The following INO80D variants were observed in gnomAD, a reference collection of about 807,000 sequenced individuals.
INO80D encodes INO80 complex subunit D.
INO80D carries 21 observed loss-of-function variants against 87.6 expected under a neutral mutation model. That is an observed-to-expected ratio of 0.24 (90% CI 0.17 to 0.35). The LOEUF is 0.35. Ranked by LOEUF, INO80D falls within the 10% of genes least tolerant of loss-of-function variation. INO80D has a pLI of 1.00. For missense variants in INO80D, 982 were observed against 1,280.7 expected, an observed-to-expected ratio of 0.77 and a Z score of 3.56; for synonymous variants, 440 against 491.0, an observed-to-expected ratio of 0.90 and a Z score of 1.37.
intron 8 of INO80D, among the ~76,000 whole-genome samples, chr2:206,011,188 C>T (rs542826946): frequency 3.3e-5 from 5 of 152,168 alleles, no homozygotes; most frequent in Admixed American, 1.3e-4. Flanking sequence ...ATGGTGAATG[C>T]GCAAGGGCCA....
At chr2:206,084,932 A>T (rs1690394861) in intron 1 of INO80D, among the ~76,000 whole-genome samples, 1 of 152,164 alleles carries the variant, frequency 6.6e-6, no homozygotes, top group South Asian at 2.1e-4. Flanking sequence ...ACCGGAAGAG[A>T]AGGCCCTCTC....
rs1368104250 is a variant in INO80D, at chr2:206,000,069, T to C, written c.*4299A>G. The C allele has an allele frequency of 1.3e-5, 2 of 152,078 alleles. No individual in the cohort carries two copies. The highest frequency in any genetic ancestry group is 2.9e-5 in the Non-Finnish European group (2 of 68,004). The allele number at this position is 152,078 out of a possible 1,614,324, so 9.4% of individuals were successfully genotyped here. On this transcript the variant is annotated 3_prime_UTR_variant, in exon 11 of 11. Transcript: ENST00000403263. ...AGAGATACAAATGAGGACTGTTCAGTATGATGAAATTTTCTTTCAAGGAAT... is the reference window on the plus strand; with the variant it reads ...AGAGATACAAATGAGGACTGTTCAGCATGATGAAATTTTCTTTCAAGGAAT...
At chr2:206,061,098 C>T (rs144600082) in intron 3 of INO80D, among the ~76,000 whole-genome samples, 54 of 152,218 alleles carry the variant, frequency 3.5e-4, no homozygotes, top group African/African-American at 1.3e-3. Flanking sequence ...ACTGCAGCCT[C>T]GGCCTCCTGG....
rs1688050790 is a variant in INO80D, at chr2:206,007,236, A to G, written c.1918+48T>C. 5 of 1,524,548 alleles carry G rather than the reference A, an allele frequency of 3.3e-6. No individual in the cohort carries two copies. In the East Asian group the frequency reaches 9.0e-5, roughly 27 times the overall value. 94.4% of individuals were successfully genotyped at this position (1,524,548 alleles called of 1,614,324 possible). A position where few individuals can be genotyped will look rare whatever the true frequency, so the allele number is the denominator to read the frequency against. ...CTCAAAACACTATTTCTTTTCTTATAAACTCATTTTTAAAACCAGTTTCCT... is the reference window on the plus strand; with the variant it reads ...CTCAAAACACTATTTCTTTTCTTATGAACTCATTTTTAAAACCAGTTTCCT... On this transcript the variant is annotated intron_variant, in intron 10 of 10. Transcript: ENST00000403263.
chr2:206,025,946 A>G (rs1276658288), intron 6 of INO80D, among the ~76,000 whole-genome samples: 1 of 151,932 alleles, frequency 6.6e-6, no homozygotes, highest in Non-Finnish European at 1.5e-5. Context: ...CGCCCAGGCT[A>G]GAGCACAATG....
intron 4 of INO80D, among the ~76,000 whole-genome samples, chr2:206,047,926 T>C (rs1201806534): frequency 1.3e-5 from 2 of 150,962 alleles, no homozygotes; most frequent in Non-Finnish European, 3.0e-5. Context: ...TCTCTGCTCA[T>C]TGCAAGCTCC....
chr2:206,005,617 C>T, intron 10 of INO80D, 84 bp from the exon 11 acceptor site: 6 of 1,100,372 alleles, frequency 5.5e-6, no homozygotes, highest in East Asian at 5.0e-5. Context: ...TTATTTTAAA[C>T]AATATTCGAT....
chr2:206,050,931 T>C (rs112329633), intron 4 of INO80D, among the ~76,000 whole-genome samples: 1,540 of 151,918 alleles, frequency 0.01, 16 homozygotes, highest in African/African-American at 0.035. Context: ...ATCCCGCCAC[T>C]GCACTACAGC....
chr2:206,080,892 G>A (rs1475885526), intron 1 of INO80D, among the ~76,000 whole-genome samples: 20 of 95,660 alleles, frequency 2.1e-4, no homozygotes, highest in Non-Finnish European at 2.6e-4. Context: ...GACAGAGTGA[G>A]ACTCAGTCTC....
At chr2:206,074,000 T>C (rs983293015) in intron 1 of INO80D, among the ~76,000 whole-genome samples, 1 of 152,058 alleles carries the variant, frequency 6.6e-6, no homozygotes, top group Non-Finnish European at 1.5e-5. Context: ...TGAACCACCA[T>C]GCCCAGCCAA....
intron 5 of INO80D, among the ~76,000 whole-genome samples, chr2:206,032,749 G>A (rs202175151): frequency 3.9e-5 from 6 of 152,108 alleles, no homozygotes; most frequent in Admixed American, 3.3e-4. Context: ...AGATACAGTC[G>A]TTTTTCAGAC....
intron 1 of INO80D, among the ~76,000 whole-genome samples, chr2:206,083,077 AT>A (rs1449614641): frequency 6.6e-6 from 1 of 152,212 alleles, no homozygotes; most frequent in Admixed American, 6.5e-5. Context: ...TTAATTCAGT[AT>A]TTGCCCTGAA....
In INO80D at chr2:206,025,862, G is replaced by A. The variant is rs1688602251; in HGVS notation, c.1298+2249C>T. 2.0e-5 allele frequency among the ~76,000 whole-genome samples: 3 copies of A among 151,846 alleles called. No individual in the cohort carries two copies. The South Asian group carries it at 6.2e-4, about 31-fold the overall frequency. ...GTCTGAACGACAACAAAAAGAATCAGAATTTGAACTCTATTTCCTTAAAGT... is the reference window on the plus strand; with the variant it reads ...GTCTGAACGACAACAAAAAGAATCAAAATTTGAACTCTATTTCCTTAAAGT... On this transcript the variant is annotated intron_variant, in intron 6 of 10. Transcript: ENST00000403263.
Position 206,001,897 on chromosome 2 carries a change from C to A in INO80D, c.*2471G>T, listed in dbSNP as rs1687912741. On this transcript the variant is annotated 3_prime_UTR_variant, in exon 11 of 11. Transcript: ENST00000403263. ...TAGCAACATTCCTGATAATTTCATG[C>A]CTCCTTACTAGAAAGCAGAGAAGGG... 6.6e-6 allele frequency: 1 copy of A among 152,176 alleles called. No homozygotes were observed. The highest frequency in any genetic ancestry group is 2.4e-5 in the African/African-American group (1 of 41,440). 9.4% of individuals were successfully genotyped at this position (152,176 alleles called of 1,614,324 possible).
chr2:206,063,092 G>A, intron 2 of INO80D, 47 bp from the exon 3 acceptor site: 2 of 982,754 alleles, frequency 2.0e-6, no homozygotes, highest in Non-Finnish European at 1.5e-6. Flanking sequence ...AAATCAGAGA[G>A]TATAAGGCAG....
intron 1 of INO80D, among the ~76,000 whole-genome samples, chr2:206,084,119 C>G (rs928435049): frequency 6.7e-6 from 1 of 150,296 alleles, no homozygotes; most frequent in African/African-American, 2.5e-5. Flanking sequence ...CAAAATATAG[C>G]TAAAATTGAA....
At chr2:206,040,953 A>G (rs1689031308) in intron 5 of INO80D, 1 of 154,024 alleles carries the variant, frequency 6.5e-6, no homozygotes, top group Admixed American at 6.5e-5. Flanking sequence ...ACACTGTCAG[A>G]GTAGATAAAT....
chr2:206,038,064 C>T (rs977221594), intron 5 of INO80D, among the ~76,000 whole-genome samples: 1 of 152,062 alleles, frequency 6.6e-6, no homozygotes, highest in South Asian at 2.1e-4. Flanking sequence ...GAGTGATAGA[C>T]GATGAAGACT....
intron 10 of INO80D, among the ~76,000 whole-genome samples, chr2:206,006,639 C>T (rs921228605): frequency 2.7e-5 from 4 of 148,588 alleles, no homozygotes; most frequent in South Asian, 2.1e-4. Flanking sequence ...GCCAAAATGG[C>T]GCCACTACAT....
Sources: allele counts gnomAD v4.1 joint callset (sites outside exome capture counted in the v4.1 genomes callset), GRCh38; gene constraint gnomAD v4.1.1; transcripts MANE v1.5; gene names NCBI Gene and HGNC (gene_info 2026-07-23, HGNC 2026-07-21).